The following BIRC6 variants were observed in gnomAD, a reference collection of about 807,000 sequenced individuals.
The protein encoded by BIRC6 is dual E2 ubiquitin-conjugating enzyme/E3 ubiquitin-protein ligase BIRC6.
A neutral mutation model predicts 503.3 loss-of-function variants in BIRC6; 98 were observed. That is an observed-to-expected ratio of 0.19 (90% CI 0.17 to 0.23). The LOEUF is 0.23. BIRC6 is among the 10% of genes least tolerant of loss of function. The pLI, the probability that BIRC6 is intolerant of heterozygous loss-of-function variation, is 1.00. For synonymous variants in BIRC6, 2,240 were observed against 2,078.7 expected (o/e 1.08, Z -2.11); for missense variants, 5,360 against 5,806.0 (o/e 0.92, Z 2.50).
Position 32,485,687 on chromosome 2 carries a change from C to A in BIRC6, c.7741C>A (p.Leu2581Met). 1 of 1,613,756 alleles carries A rather than the reference C, an allele frequency of 6.2e-7. No homozygotes were observed. The highest frequency in any genetic ancestry group is 8.5e-7 in the Non-Finnish European group (1 of 1,179,736). ...LEVGLEQQAE[L>M]MLKMMSTLEA... ...AGTTGGACTTGAACAGCAAGCAGAACTGATGTTGAAAATGATGTCTACTCT... is the reference window on the plus strand; with the variant it reads ...AGTTGGACTTGAACAGCAAGCAGAAATGATGTTGAAAATGATGTCTACTCT... Residue 2581 changes from leucine (L) to methionine (M), a missense_variant, in exon 40 of 74, where the codon CTG (leucine) becomes ATG (methionine). This residue lies in a region of BIRC6 where 2,299 missense variants were observed against 2,267.2 expected (regional missense o/e 1.01). Coordinates refer to ENST00000421745, the MANE Select transcript of BIRC6 (RefSeq NM_016252.4).
rs2036989761 is a variant in BIRC6 at position 32,377,520 on chromosome 2, T to TAA, written c.326-66_326-65dup. On this transcript the variant is annotated intron_variant, in intron 1 of 73. Coordinates refer to ENST00000421745, the MANE Select transcript of BIRC6 (RefSeq NM_016252.4). The stretch of plus-strand genomic sequence containing the variant: ...TAATATATTGTGTTTAGTCACTATG[T>TAA]AAACATTTATTTTTAATAGACCATT... The TAA allele has an allele frequency of 2.3e-6, 3 of 1,312,096 alleles. No homozygotes were observed. In the Admixed American group the frequency reaches 8.0e-5, roughly 35 times the overall value. The allele number at this position is 1,312,096 out of a possible 1,614,324, so 81.3% of individuals were successfully genotyped here. A position where few individuals can be genotyped will look rare whatever the true frequency, so the allele number is the denominator to read the frequency against.
intron 65 of BIRC6, among the ~76,000 whole-genome samples, chr2:32,560,793 T>A (rs1290912162): frequency 6.6e-6 from 1 of 152,026 alleles, no homozygotes; most frequent in Non-Finnish European, 1.5e-5. Context: ...GTTTCAAAAC[T>A]CCTGGCCTTA....
intron 22 of BIRC6, among the ~76,000 whole-genome samples, chr2:32,451,248 A>G (rs535096386): frequency 1.3e-5 from 2 of 152,310 alleles, no homozygotes; most frequent in South Asian, 4.1e-4. Flanking sequence ...ATAAAATCCT[A>G]AATGATTTGG....
intron 4 of BIRC6, among the ~76,000 whole-genome samples, chr2:32,390,705 A>G (rs983377821): frequency 1.3e-5 from 2 of 152,234 alleles, no homozygotes; most frequent in Non-Finnish European, 2.9e-5. Context: ...GTATGTGCAG[A>G]TGTTATCAAA....
intron 32 of BIRC6, 131 bp from the exon 33 acceptor site, chr2:32,472,981 A>G (rs116418060): frequency 5.7e-6 from 4 of 704,510 alleles, no homozygotes; most frequent in African/African-American, 5.6e-5. Context: ...TTTCTTTACA[A>G]TGTTTTTCTT....
rs1290135066 is a variant in BIRC6, at chr2:32,545,696, G to A, written c.12646G>A (p.Val4216Ile). The part of the protein sequence containing the change: ...ANVLPTLPFH[V>I]LRSLFSTTPL... ...TGTGCTTCCAACCCTTCCTTTCCACGTCCTTCGTAGCTTGTTTAGCACTAC... is the reference window on the plus strand; with the variant it reads ...TGTGCTTCCAACCCTTCCTTTCCACATCCTTCGTAGCTTGTTTAGCACTAC... The change falls in exon 63 of 74, where the codon GTC (valine) becomes ATC (isoleucine). Residue 4216 changes from valine to isoleucine, a missense_variant. This residue lies in a region of BIRC6 where 477 missense variants were observed against 574.4 expected (regional missense o/e 0.83). Coordinates refer to ENST00000421745, the MANE Select transcript of BIRC6 (RefSeq NM_016252.4). The A allele has an allele frequency of 1.6e-5, 26 of 1,613,350 alleles. No individual in the cohort carries two copies. The highest frequency in any genetic ancestry group is 2.2e-5 in the Non-Finnish European group (26 of 1,179,770).
At chr2:32,616,560 CAAAAAAAAAAAAAAA>C (rs201587938) in intron 73 of BIRC6, among the ~76,000 whole-genome samples, 2 of 99,126 alleles carry the variant, frequency 2.0e-5, no homozygotes, top group Non-Finnish European at 3.9e-5. Flanking sequence ...ACCTTGTTCT[CAAAAAAAAAAAAAAA>C]AAAAAAAAAA....
chr2:32,542,359 G>T (rs1237217353), intron 61 of BIRC6, among the ~76,000 whole-genome samples: 1 of 152,134 alleles, frequency 6.6e-6, no homozygotes, highest in Non-Finnish European at 1.5e-5. Flanking sequence ...AGTGCTCAAA[G>T]AACGATGGGG....
At chr2:32,596,669 C>T (rs146943611) in intron 68 of BIRC6, among the ~76,000 whole-genome samples, 1 of 152,114 alleles carries the variant, frequency 6.6e-6, no homozygotes, top group Admixed American at 6.5e-5. Flanking sequence ...ATGTGTGTTT[C>T]TGTTGGACAT....
At chr2:32,419,851 T>G (rs2042753714) in intron 10 of BIRC6, among the ~76,000 whole-genome samples, 1 of 152,226 alleles carries the variant, frequency 6.6e-6, no homozygotes, top group Non-Finnish European at 1.5e-5. Context: ...GTTTTGGTAC[T>G]TGTTTCTTGT....
intron 65 of BIRC6, among the ~76,000 whole-genome samples, chr2:32,563,061 T>C (rs2059305049): frequency 1.3e-5 from 2 of 152,242 alleles, no homozygotes; most frequent in South Asian, 4.1e-4. Context: ...CTGGCTATGC[T>C]ACGTATTTTG....
chr2:32,455,337 G>A (rs1217096464), intron 23 of BIRC6, among the ~76,000 whole-genome samples: 2 of 143,748 alleles, frequency 1.4e-5, no homozygotes, highest in Middle Eastern at 3.8e-3. Flanking sequence ...CTGAGATCGC[G>A]CTACTGCATT....
chr2:32,551,854 A>C (rs2058446574), intron 65 of BIRC6, among the ~76,000 whole-genome samples: 1 of 152,152 alleles, frequency 6.6e-6, no homozygotes, highest in South Asian at 2.1e-4. Flanking sequence ...ATTTTTACAG[A>C]ATGTAACCAT....
chr2:32,597,916 C>T lies in BIRC6; in HGVS notation c.13778C>T (p.Ser4593Leu). 1 of 1,613,746 alleles carries T rather than the reference C, an allele frequency of 6.2e-7. No individual in the cohort carries two copies. Among genetic ancestry groups the T allele is most frequent in the Non-Finnish European group, 8.5e-7 (1 of 1,179,898 alleles). ...VTLSTSLPLS[S>L]SSSVFVRCDE... The stretch of plus-strand genomic sequence containing the variant: ...CTTTCAACCTCACTGCCTCTGTCTT[C>T]ATCCTCTAGTGTGTTTGTACGCTGT... The change falls in exon 69 of 74, where the codon TCA becomes TTA. Residue 4593 changes from serine (S) to leucine (L), a missense_variant. Coordinates refer to ENST00000421745, the MANE Select transcript of BIRC6 (RefSeq NM_016252.4).
chr2:32,501,702 A>T lies in BIRC6; in HGVS notation c.9032-11A>T. On this transcript the variant is annotated splice_polypyrimidine_tract_variant and intron_variant, in intron 46 of 73. Transcript: ENST00000421745. Reference sequence around the variant, plus strand: ...ATATACTTTTAATGTGGTATCTTTTATTTTTCTTAGGAGCAAGTGGATTAC... The same window carrying T: ...ATATACTTTTAATGTGGTATCTTTTTTTTTTCTTAGGAGCAAGTGGATTAC... 2 of 1,603,060 alleles carry T rather than the reference A, an allele frequency of 1.2e-6. No homozygotes were observed. The highest frequency in any genetic ancestry group is 1.7e-6 in the Non-Finnish European group (2 of 1,176,006).
intron 65 of BIRC6, among the ~76,000 whole-genome samples, chr2:32,553,912 A>T (rs1450488300): frequency 6.6e-6 from 1 of 152,168 alleles, no homozygotes; most frequent in Non-Finnish European, 1.5e-5. Context: ...TTATTTGTTC[A>T]TTTTAATTTC....
chr2:32,518,430 A>G lies in BIRC6; in HGVS notation c.11493+33A>G, dbSNP rs763403639. 5 of 1,576,818 alleles carry G rather than the reference A, an allele frequency of 3.2e-6. No homozygotes were observed. The Admixed American group carries it at 6.3e-5, about 20-fold the overall frequency. The stretch of plus-strand genomic sequence containing the variant: ...TTTAACACTTAATCATTGGCTGTGT[A>G]TACATGTATTTTACAATTTTGTATC... On this transcript the variant is annotated intron_variant, in intron 56 of 73. Transcript: ENST00000421745.
At chr2:32,509,650 C>G (rs755439215) in intron 51 of BIRC6, 88 bp from the exon 52 acceptor site, 2 of 1,458,310 alleles carry the variant, frequency 1.4e-6, no homozygotes, top group South Asian at 2.4e-5. Context: ...TTATGAAACA[C>G]AACATGCTGA....
rs1443158674 is a variant in BIRC6, at chr2:32,543,348, A to G, written c.12399A>G (p.Pro4133=). ...CAGGGGAGTTAGTTTATGAAGCACC[A>G]GAAACTGTTGCGGCTGAACCTCCAC... ...EQSGELVYEA[P]ETVAAEPPPI... Residue 4133 remains proline, a synonymous_variant, in exon 62 of 74, where the codon CCA becomes CCG. Transcript: ENST00000421745. 5.0e-6 allele frequency: 8 copies of G among 1,613,924 alleles called. No individual in the cohort carries two copies. The highest frequency in any genetic ancestry group is 6.8e-6 in the Non-Finnish European group (8 of 1,179,906).
Sources: gnomAD v4.1 joint callset for allele counts (sites outside exome capture counted in the v4.1 genomes callset) on GRCh38, gnomAD v4.1.1 for gene constraint, gnomAD v4.1.1 regional missense constraint, MANE v1.5 for transcripts, NCBI Gene and HGNC (gene_info 2026-07-23, HGNC 2026-07-21) for gene names.